ARHGAP12: variants seen among roughly 807,000 people sequenced by gnomAD.
ARHGAP12 encodes the protein rho GTPase-activating protein 12.
A neutral mutation model predicts 108.6 loss-of-function variants in ARHGAP12; 64 were observed. The observed-to-expected ratio is 0.59, with a 90% CI of 0.48 to 0.73. The LOEUF is 0.73. Ranked by LOEUF, ARHGAP12 falls within the 30% of genes least tolerant of loss-of-function variation. The pLI is 0.00. For missense variants in ARHGAP12, 940 were observed against 1,005.9 expected (o/e 0.93, Z 0.89); for synonymous variants, 312 against 337.2 (o/e 0.93, Z 0.82).
chr10:31,829,848 G>A (rs1342248567), intron 10 of ARHGAP12, among the ~76,000 whole-genome samples: 2 of 152,124 alleles, frequency 1.3e-5, no homozygotes, highest in East Asian at 3.8e-4. Context: ...GCAGGAAAAT[G>A]CACAATTATC....
chr10:31,848,923 T>A (rs927113538), intron 6 of ARHGAP12, among the ~76,000 whole-genome samples: 1 of 152,040 alleles, frequency 6.6e-6, no homozygotes, highest in Admixed American at 6.6e-5. Flanking sequence ...ATACAAAAAT[T>A]AGCCAGGTGT....
At chr10:31,835,973 C>G (rs1442962434) in intron 9 of ARHGAP12, among the ~76,000 whole-genome samples, 1 of 152,024 alleles carries the variant, frequency 6.6e-6, no homozygotes, top group African/African-American at 2.4e-5. Flanking sequence ...GAACTGTACC[C>G]TTTAAAATGG....
rs76691333 is a variant in ARHGAP12 at position 31,816,316 on chromosome 10, T to C, written c.1731+1472A>G. 8.1e-3 allele frequency among the ~76,000 whole-genome samples: 1,228 copies of C among 152,116 alleles called. 12 individuals are homozygous for C. Among genetic ancestry groups the C allele is most frequent in the African/African-American group, 0.028 (1,153 of 41,496 alleles). ...TTTCTGCAAGGCCTTCCCTAACTAATACACTAGGTTTGCCCCTACTTAATT... is the reference window on the plus strand; with the variant it reads ...TTTCTGCAAGGCCTTCCCTAACTAACACACTAGGTTTGCCCCTACTTAATT... On this transcript the variant is annotated intron_variant, in intron 13 of 19. Coordinates refer to ENST00000344936, the MANE Select transcript of ARHGAP12 (RefSeq NM_018287.7).
chr10:31,908,124 T>C, intron 3 of ARHGAP12, 48 bp downstream of exon 3: 1 of 1,483,072 alleles, frequency 6.7e-7, no homozygotes, highest in African/African-American at 1.4e-5. Flanking sequence ...ATAACTAATA[T>C]TTTCACTAGG....
At chr10:31,918,802 A>T (rs2132487550) in intron 1 of ARHGAP12, among the ~76,000 whole-genome samples, 1 of 152,370 alleles carries the variant, frequency 6.6e-6, no homozygotes, top group African/African-American at 2.4e-5. Flanking sequence ...AAAGTGGTAC[A>T]GCCACTAGGG....
intron 12 of ARHGAP12, 37 bp downstream of exon 12, chr10:31,820,350 G>A (rs755191597): frequency 1.3e-6 from 2 of 1,502,104 alleles, no homozygotes; most frequent in East Asian, 4.7e-5. Flanking sequence ...AATTACTACA[G>A]TTTAGAATGT....
chr10:31,880,704 TCAA>T (rs1240226641), intron 3 of ARHGAP12, among the ~76,000 whole-genome samples: 1 of 152,056 alleles, frequency 6.6e-6, no homozygotes, highest in Non-Finnish European at 1.5e-5. Context: ...TTCAATCAGG[TCAA>T]CAATTGTATT....
intron 2 of ARHGAP12, 59 bp from the exon 3 acceptor site, chr10:31,908,985 G>GT (rs2094484390): frequency 1.1e-6 from 1 of 896,400 alleles, no homozygotes; most frequent in South Asian, 1.8e-5. Context: ...TCTGGATTTC[G>GT]TATTTACTCA....
chr10:31,866,627 T>G (rs1382915050), intron 3 of ARHGAP12, among the ~76,000 whole-genome samples: 2 of 152,140 alleles, frequency 1.3e-5, no homozygotes, highest in Non-Finnish European at 2.9e-5. Flanking sequence ...TCCCTTTTTT[T>G]TTTGGTCTCA....
rs139881614 is a variant in ARHGAP12, at chr10:31,891,842, C to G, written c.684+16330G>C. Among the ~76,000 whole-genome samples, 246 of 152,286 alleles carry G rather than the reference C, an allele frequency of 1.6e-3. 2 individuals carry two copies. Among genetic ancestry groups the G allele is most frequent in the Non-Finnish European group, 2.7e-3 (181 of 68,020 alleles). On this transcript the variant is annotated intron_variant, in intron 3 of 19. Coordinates refer to ENST00000344936, the MANE Select transcript of ARHGAP12 (RefSeq NM_018287.7). ...TCATTTCATTCATTTGATCCTCCAT[C>G]ACTGATACCTCTTCTTCCAGCTGAT...
intron 1 of ARHGAP12, among the ~76,000 whole-genome samples, chr10:31,923,134 A>AAAG (rs1681726232): frequency 6.7e-6 from 1 of 148,372 alleles, no homozygotes; most frequent in Non-Finnish European, 1.5e-5. Flanking sequence ...CCTAACAGGA[A>AAAG]AAAAAAAAAA....
chr10:31,878,615 G>C (rs962363940), intron 3 of ARHGAP12, among the ~76,000 whole-genome samples: 1 of 152,208 alleles, frequency 6.6e-6, no homozygotes, highest in Non-Finnish European at 1.5e-5. Flanking sequence ...ATAGGGATAA[G>C]CAAACTATGG....
chr10:31,890,184 C>G (rs928417640), intron 3 of ARHGAP12, among the ~76,000 whole-genome samples: 1 of 152,090 alleles, frequency 6.6e-6, no homozygotes, highest in Non-Finnish European at 1.5e-5. Context: ...CAAGGATCAG[C>G]AAAGCAGAGG....
chr10:31,899,695 G>C (rs967880620), intron 3 of ARHGAP12, among the ~76,000 whole-genome samples: 2 of 152,084 alleles, frequency 1.3e-5, no homozygotes, highest in Non-Finnish European at 2.9e-5. Context: ...TGAACCTAAA[G>C]ACCTTACACC....
intron 3 of ARHGAP12, among the ~76,000 whole-genome samples, chr10:31,880,185 A>G (rs916497330): frequency 1.3e-5 from 2 of 152,198 alleles, no homozygotes; most frequent in African/African-American, 4.8e-5. Flanking sequence ...TGCCTTCTTT[A>G]TTTTGTTCTT....
intron 16 of ARHGAP12, 107 bp downstream of exon 16, chr10:31,810,542 C>CT: frequency 1.4e-6 from 1 of 721,366 alleles, no homozygotes; most frequent in Non-Finnish European, 2.3e-6. Flanking sequence ...CTATAAGGAA[C>CT]TTCTGTTTGC....
intron 2 of ARHGAP12, 70 bp from the exon 3 acceptor site, chr10:31,908,996 C>T: frequency 2.4e-6 from 2 of 823,096 alleles, no homozygotes; most frequent in Non-Finnish European, 3.7e-6. Flanking sequence ...TATTTACTCA[C>T]AAGCATCATA....
chr10:31,894,638 AG>A (rs1293049268), intron 3 of ARHGAP12, among the ~76,000 whole-genome samples: 2 of 152,266 alleles, frequency 1.3e-5, no homozygotes, highest in African/African-American at 4.8e-5. Context: ...GCTCATGGAT[AG>A]GAAGAATCAA....
intron 3 of ARHGAP12, among the ~76,000 whole-genome samples, chr10:31,883,925 GGTTGGT>G (rs1288813047): frequency 1.3e-5 from 2 of 151,358 alleles, no homozygotes; most frequent in Non-Finnish European, 2.9e-5. Context: ...ATGTTGCCCA[GGTTGGT>G]GTTGAACTCC....
Sources: gnomAD v4.1 joint callset for allele counts (sites outside exome capture counted in the v4.1 genomes callset) on GRCh38, gnomAD v4.1.1 for gene constraint, MANE v1.5 for transcripts, NCBI Gene and HGNC (gene_info 2026-07-23, HGNC 2026-07-21) for gene names.